Variants in PLXDC2 observed in about 807,000 individuals in gnomAD.
PLXDC2 encodes the protein plexin domain containing 2, also known as plexin domain-containing protein 2.
In PLXDC2, 40 loss-of-function variants were observed where a neutral mutation model predicts 68.9. That is an observed-to-expected ratio of 0.58 (90% CI 0.45 to 0.76). The LOEUF is 0.76. Ranked by LOEUF, PLXDC2 falls within the 30% of genes least tolerant of loss-of-function variation. The pLI is 0.00. For missense variants in PLXDC2, 644 were observed against 661.9 expected (o/e 0.97, Z 0.30); for synonymous variants, 243 against 234.2 (o/e 1.04, Z -0.34).
Position 20,289,078 on chromosome 10 carries a change from G to C in PLXDC2, c.*9259G>C, listed in dbSNP as rs2297491. On this transcript the variant is annotated 3_prime_UTR_variant, in exon 14 of 14. Coordinates refer to ENST00000377252, the MANE Select transcript of PLXDC2 (RefSeq NM_032812.9). ...TTAAATACCTTGTCTTTCAACATAC[G>C]TTTTGTTTCCTTTCTTCCATTAGTG... 7.9e-5 allele frequency: 12 copies of C among 152,028 alleles called. No homozygotes were observed. Among genetic ancestry groups the C allele is most frequent in the African/African-American group, 2.9e-4 (12 of 41,408 alleles). The allele number at this position is 152,028 out of a possible 1,614,324, so 9.4% of individuals were successfully genotyped here. A position where few individuals can be genotyped will look rare whatever the true frequency, so the allele number is the denominator to read the frequency against.
intron 1 of PLXDC2, among the ~76,000 whole-genome samples, chr10:19,916,951 T>C (rs1036375454): frequency 6.6e-6 from 1 of 152,154 alleles, no homozygotes; most frequent in Non-Finnish European, 1.5e-5. Flanking sequence ...TTTTAGTCAT[T>C]CAAAAAGAGG....
chr10:20,008,505 A>G (rs1418518960), intron 2 of PLXDC2, among the ~76,000 whole-genome samples: 1 of 152,206 alleles, frequency 6.6e-6, no homozygotes, highest in Non-Finnish European at 1.5e-5. Flanking sequence ...GTGAGCCGAG[A>G]TCGTGTCATG....
intron 1 of PLXDC2, among the ~76,000 whole-genome samples, chr10:19,828,485 G>T (rs1836618899): frequency 6.6e-6 from 1 of 152,228 alleles, no homozygotes; most frequent in Admixed American, 6.5e-5. Context: ...CTGAAGTCAG[G>T]CTTGGTGATC....
chr10:20,023,025 T>G (rs1835338901), intron 2 of PLXDC2, among the ~76,000 whole-genome samples: 1 of 149,776 alleles, frequency 6.7e-6, no homozygotes, highest in Admixed American at 6.7e-5. Context: ...ATTATAACCC[T>G]CCCCCCGCAA....
At chr10:20,032,815 T>C (rs530607074) in intron 2 of PLXDC2, among the ~76,000 whole-genome samples, 18 of 151,988 alleles carry the variant, frequency 1.2e-4, no homozygotes, top group African/African-American at 3.6e-4. Flanking sequence ...AAGGATTAAA[T>C]ATATAATATA....
chr10:20,011,316 G>A (rs1835110779), intron 2 of PLXDC2, among the ~76,000 whole-genome samples: 1 of 152,118 alleles, frequency 6.6e-6, no homozygotes. Context: ...GCTGCTGGAT[G>A]CACCCACAGA....
At chr10:20,091,499 C>A (rs10827963) in intron 4 of PLXDC2, among the ~76,000 whole-genome samples, 53,869 of 151,946 alleles carry the variant, frequency 0.35, 9,915 homozygotes, top group South Asian at 0.6. Context: ...TCTTGCCTTT[C>A]CAAACTTTTC....
rs199581943 is a variant in PLXDC2 at position 20,255,191 on chromosome 10, GGATAGATAGATA to G, written c.1473+9719_1473+9730del. ...TGGATGGATGGGTGGATAGGTGGAT[GGATAGATAGATA>G]GATAGATAGATAGATAGATAGATAG... On this transcript the variant is annotated intron_variant, in intron 13 of 13. Transcript: ENST00000377252. Among the ~76,000 whole-genome samples the G allele has an allele frequency of 1.5e-3, 141 of 96,812 alleles. 1 individual carries two copies. The highest frequency in any genetic ancestry group is 4.1e-3 in the African/African-American group (102 of 24,666). The allele number at this position is 96,812 out of a possible 152,430, so 63.5% of individuals were successfully genotyped here.
At chr10:20,078,667 C>A (rs190217442) in intron 4 of PLXDC2, among the ~76,000 whole-genome samples, 1 of 152,130 alleles carries the variant, frequency 6.6e-6, no homozygotes, top group Admixed American at 6.5e-5. Context: ...GTTTCTATTC[C>A]CTAGTTTCCA....
At chr10:20,250,530 G>A (rs953082937) in intron 13 of PLXDC2, among the ~76,000 whole-genome samples, 14 of 152,160 alleles carry the variant, frequency 9.2e-5, no homozygotes, top group South Asian at 8.3e-4. Flanking sequence ...TAGACGAGGA[G>A]GCTGAAGCAC....
intron 1 of PLXDC2, among the ~76,000 whole-genome samples, chr10:19,863,573 G>A (rs1345896717): frequency 1.3e-5 from 2 of 152,272 alleles, no homozygotes; most frequent in African/African-American, 4.8e-5. Flanking sequence ...AAGCTTTGTT[G>A]TACACATAAC....
chr10:19,899,519 A>T (rs923343428), intron 1 of PLXDC2, among the ~76,000 whole-genome samples: 2 of 152,186 alleles, frequency 1.3e-5, no homozygotes, highest in African/African-American at 4.8e-5. Flanking sequence ...TATGAGAATA[A>T]ATACTCATGA....
chr10:20,119,649 T>G (rs1287175686), intron 4 of PLXDC2, among the ~76,000 whole-genome samples: 2 of 152,008 alleles, frequency 1.3e-5, no homozygotes, highest in East Asian at 3.9e-4. Flanking sequence ...AAAATAGTGG[T>G]AAAGTGTTGG....
chr10:19,995,865 T>C (rs964274829), intron 1 of PLXDC2, among the ~76,000 whole-genome samples: 2 of 152,202 alleles, frequency 1.3e-5, no homozygotes, highest in African/African-American at 2.4e-5. Context: ...GAAGGAGTTA[T>C]CAGATTTCCC....
intron 9 of PLXDC2, among the ~76,000 whole-genome samples, chr10:20,194,572 A>G (rs1834812266): frequency 6.6e-6 from 1 of 151,994 alleles, no homozygotes; most frequent in African/African-American, 2.4e-5. Flanking sequence ...CACAAATATG[A>G]TATCTTTTGA....
chr10:19,860,374 G>T (rs951210064), intron 1 of PLXDC2, among the ~76,000 whole-genome samples: 5 of 152,184 alleles, frequency 3.3e-5, no homozygotes, highest in African/African-American at 4.8e-5. Flanking sequence ...AGAATGCCTG[G>T]CATAGGGTCC....
intron 13 of PLXDC2, among the ~76,000 whole-genome samples, chr10:20,275,457 T>C (rs1015451079): frequency 6.6e-6 from 1 of 152,140 alleles, no homozygotes; most frequent in African/African-American, 2.4e-5. Context: ...ACACATGTTT[T>C]AGAAAGTATA....
At chr10:19,935,327 G>T (rs1227621705) in intron 1 of PLXDC2, among the ~76,000 whole-genome samples, 1 of 152,218 alleles carries the variant, frequency 6.6e-6, no homozygotes, top group Non-Finnish European at 1.5e-5. Context: ...CCTGACAGCT[G>T]ACAGGTGGTG....
intron 6 of PLXDC2, among the ~76,000 whole-genome samples, chr10:20,153,345 C>T (rs1291664372): frequency 6.6e-6 from 1 of 152,174 alleles, no homozygotes; most frequent in African/African-American, 2.4e-5. Context: ...GACCTTCTCA[C>T]TCTCTAACAC....
Sources: allele counts gnomAD v4.1 joint callset (sites outside exome capture counted in the v4.1 genomes callset), GRCh38; gene constraint gnomAD v4.1.1; transcripts MANE v1.5; gene names NCBI Gene and HGNC (gene_info 2026-07-23, HGNC 2026-07-21).